ATP9B: variants seen among roughly 807,000 people sequenced by gnomAD.
The protein encoded by ATP9B is probable phospholipid-transporting ATPase IIB.
A neutral mutation model predicts 146.1 loss-of-function variants in ATP9B; 110 were observed. The ratio of observed to expected loss-of-function variants is 0.75; its 90% confidence interval spans 0.65 to 0.88. The LOEUF (loss-of-function observed/expected upper bound fraction) is 0.88. ATP9B is among the 40% of genes least tolerant of loss of function. ATP9B has a pLI of 0.00. For missense variants in ATP9B, 1,499 were observed against 1,496.4 expected (o/e 1.00, Z -0.03); for synonymous variants, 604 against 569.7 (o/e 1.06, Z -0.86).
At chr18:79,372,467 C>T (rs1218354529) in intron 26 of ATP9B, 2 of 416,500 alleles carry the variant, frequency 4.8e-6, no homozygotes, top group African/African-American at 4.1e-5. Context: ...TATTTGTTGA[C>T]AAGAAATAAG....
intron 11 of ATP9B, among the ~76,000 whole-genome samples, chr18:79,221,858 A>G (rs1243214234): frequency 1.4e-5 from 2 of 144,192 alleles, no homozygotes; most frequent in Admixed American, 7.1e-5. Flanking sequence ...AACATCCCCA[A>G]ACTTCTTTGG....
chr18:79,137,480 C>CA (rs1780435436), intron 5 of ATP9B, among the ~76,000 whole-genome samples: 1 of 152,286 alleles, frequency 6.6e-6, no homozygotes, highest in East Asian at 1.9e-4. Flanking sequence ...AGATCTGGGG[C>CA]ATGCTCCATG....
At position 79,069,436 on chromosome 18, in the gene ATP9B, C is replaced by T. The variant is rs762690907; in HGVS notation, c.26C>T (p.Pro9Leu). 5.2e-5 allele frequency: 79 copies of T among 1,519,110 alleles called. No homozygotes were observed. The highest frequency in any genetic ancestry group is 3.9e-4 in the East Asian group (14 of 36,050). The allele number at this position is 1,519,110 out of a possible 1,614,324, so 94.1% of individuals were successfully genotyped here. The part of the protein sequence containing the change: MADQIPLY[P>L]VRSAAAAAAN... ...ATGGCGGACCAGATCCCGCTTTACC[C>T]GGTGCGTAGCGCAGCGGCGGCCGCA... Residue 9 changes from proline to leucine, a missense_variant, in exon 1 of 30, where the codon CCG (proline) becomes CTG (leucine). By Grantham distance (98) the Pro-to-Leu change is moderately conservative (BLOSUM62 -3). Transcript: ENST00000426216.
chr18:79,224,118 A>G (rs2095706842), intron 11 of ATP9B, among the ~76,000 whole-genome samples: 1 of 152,246 alleles, frequency 6.6e-6, no homozygotes, highest in Non-Finnish European at 1.5e-5. Context: ...TCTAAGCGGT[A>G]TAGCTAAATT....
chr18:79,278,851 A>C (rs1170504610), intron 13 of ATP9B, among the ~76,000 whole-genome samples: 2 of 152,168 alleles, frequency 1.3e-5, no homozygotes, highest in African/African-American at 4.8e-5. Context: ...TAAAGAATAA[A>C]TAAATCCATG....
In ATP9B at chr18:79,149,424, T is replaced by TA. The variant is rs1226258117; in HGVS notation, c.727-5071dup. The stretch of plus-strand genomic sequence containing the variant: ...AAATGGCGCTGGGCATCCTGAGGTT[T>TA]AAAAAAAAAGATCATGGACTTAATG... On this transcript the variant is annotated intron_variant, in intron 6 of 29. Transcript: ENST00000426216. Among the ~76,000 whole-genome samples the TA allele has an allele frequency of 6.7e-5, 10 of 149,980 alleles. 1 individual carries two copies. Among genetic ancestry groups the TA allele is most frequent in the South Asian group, 4.2e-4 (2 of 4,744 alleles).
rs191950021 is a variant in ATP9B, at chr18:79,128,158, C to T, written c.667+1783C>T. ...CACTGCTACCTCCTCCTCCCGGGTT[C>T]GGGCGATTCTCCTGCCTCAACCTCC... is the stretch of plus-strand genomic sequence containing the variant. On this transcript the variant is annotated intron_variant, in intron 5 of 29. Transcript: ENST00000426216. Among the ~76,000 whole-genome samples, 152 of 145,860 alleles carry T rather than the reference C, an allele frequency of 1.0e-3. 2 individuals carry two copies. Among genetic ancestry groups the T allele is most frequent in the African/African-American group, 3.8e-3 (147 of 38,892 alleles).
At chr18:79,167,013 C>T (rs1029254355) in intron 7 of ATP9B, among the ~76,000 whole-genome samples, 2 of 152,144 alleles carry the variant, frequency 1.3e-5, no homozygotes, top group African/African-American at 4.8e-5. Flanking sequence ...TCAGGCGTTC[C>T]ATAAGCGACT....
chr18:79,376,748 G>A (rs1263978958), intron 29 of ATP9B, among the ~76,000 whole-genome samples: 1 of 147,346 alleles, frequency 6.8e-6, no homozygotes, highest in African/African-American at 2.5e-5. Context: ...AGGCTGGAGT[G>A]CAGTGGCGTG....
At chr18:79,187,918 A>T (rs898115178) in intron 8 of ATP9B, among the ~76,000 whole-genome samples, 1 of 152,240 alleles carries the variant, frequency 6.6e-6, no homozygotes, top group African/African-American at 2.4e-5. Context: ...TAGGTGATCG[A>T]ATCTTCTCTG....
At chr18:79,200,780 A>AGGTGGGGACTGTCGGGGTCAGAGCAGAG (rs1568389055) in intron 9 of ATP9B, among the ~76,000 whole-genome samples, 13 of 14,738 alleles carry the variant, frequency 8.8e-4, no homozygotes, top group East Asian at 2.0e-3. Flanking sequence ...TCAGAGCAGA[A>AGGTGGGGACTGTCGGGGTCAGAGCAGAG]GTAGTGGTGG....
chr18:79,377,175 C>A, intron 29 of ATP9B, 72 bp from the exon 30 acceptor site: 1 of 1,574,946 alleles, frequency 6.3e-7, no homozygotes, highest in Non-Finnish European at 8.7e-7. Context: ...CTGGCCAGGT[C>A]TGTGGCTGTG....
At chr18:79,234,654 C>T (rs76578375) in intron 11 of ATP9B, among the ~76,000 whole-genome samples, 2 of 145,922 alleles carry the variant, frequency 1.4e-5, no homozygotes, top group African/African-American at 2.5e-5. Flanking sequence ...GGGCGTGCTT[C>T]GTGTGGGTGT....
At position 79,092,032 on chromosome 18, in the gene ATP9B, C is replaced by A. The variant is rs115281371; in HGVS notation, c.120-4444C>A. Among the ~76,000 whole-genome samples the A allele has an allele frequency of 3.3e-3, 498 of 151,942 alleles. 4 individuals carry two copies. The highest frequency in any genetic ancestry group is 0.011 in the African/African-American group (468 of 41,438). Reference sequence around the variant, plus strand: ...TGCTAGGCAGTTCTTTTTTTGATGTCTTTGTTTTATATTAATATAGCTACT... The same window carrying A: ...TGCTAGGCAGTTCTTTTTTTGATGTATTTGTTTTATATTAATATAGCTACT... On this transcript the variant is annotated intron_variant, in intron 1 of 29. Transcript: ENST00000426216.
intron 17 of ATP9B, among the ~76,000 whole-genome samples, chr18:79,334,789 C>A (rs74631512): frequency 2.1e-3 from 318 of 151,872 alleles, no homozygotes; most frequent in African/African-American, 6.7e-3. Context: ...GCCCACCCCC[C>A]CCTTGTGCCG....
rs149885255 is a variant in ATP9B, at chr18:79,309,539, G to T, written c.1773+2305G>T. On this transcript the variant is annotated intron_variant, in intron 15 of 29. Coordinates refer to ENST00000426216, the MANE Select transcript of ATP9B (RefSeq NM_198531.5). ...CTCCAGCAGGTAGAAGGTCAGGGGT[G>T]GTGGAGTGATCCCCAGCAGGTAGAA... Among the ~76,000 whole-genome samples the T allele has an allele frequency of 6.1e-4, 43 of 69,974 alleles. 1 individual carries two copies. Among genetic ancestry groups the T allele is most frequent in the African/African-American group, 1.3e-3 (25 of 18,986 alleles). 45.9% of individuals were successfully genotyped at this position (69,974 alleles called of 152,430 possible). A position where few individuals can be genotyped will look rare whatever the true frequency, so the allele number is the denominator to read the frequency against.
intron 2 of ATP9B, 77 bp from the exon 3 acceptor site, chr18:79,110,278 C>T: frequency 7.3e-7 from 1 of 1,370,614 alleles, no homozygotes; most frequent in Non-Finnish European, 9.7e-7. Context: ...AATATTGACT[C>T]TAAATATGTA....
At chr18:79,270,244 AT>A (rs1481965246) in intron 12 of ATP9B, among the ~76,000 whole-genome samples, 1 of 152,048 alleles carries the variant, frequency 6.6e-6, no homozygotes, top group Non-Finnish European at 1.5e-5. Flanking sequence ...TTGCTCCTGC[AT>A]TCTTGCGCGT....
chr18:79,212,278 C>A (rs969416264), intron 10 of ATP9B, among the ~76,000 whole-genome samples: 2 of 152,154 alleles, frequency 1.3e-5, no homozygotes, highest in South Asian at 2.1e-4. Flanking sequence ...AGAATACTTA[C>A]GAGAGCCTTT....
Sources: allele counts gnomAD v4.1 joint callset (sites outside exome capture counted in the v4.1 genomes callset), GRCh38; gene constraint gnomAD v4.1.1; transcripts MANE v1.5; gene names NCBI Gene and HGNC (gene_info 2026-07-23, HGNC 2026-07-21).